PHRF1: variants seen among roughly 807,000 people sequenced by gnomAD.
PHRF1 encodes the protein PHD and ring finger domains 1.
PHRF1 carries 53 observed loss-of-function variants against 128.9 expected under a neutral mutation model. That is an observed-to-expected ratio of 0.41 (90% CI 0.33 to 0.52). The LOEUF is 0.52. Ranked by LOEUF, PHRF1 falls within the 20% of genes least tolerant of loss-of-function variation. PHRF1 has a pLI of 0.21. For synonymous variants in PHRF1, 1,178 were observed against 980.6 expected, an observed-to-expected ratio of 1.20 and a Z score of -3.76; for missense variants, 2,503 against 2,284.5, an observed-to-expected ratio of 1.10 and a Z score of -1.95.
intron 9 of PHRF1, among the ~76,000 whole-genome samples, chr11:598,890 A>G (rs1282763967): frequency 2.0e-5 from 3 of 152,192 alleles, no homozygotes; most frequent in Non-Finnish European, 4.4e-5. Flanking sequence ...GTGATTTCGC[A>G]TCTTGTCTTG....
Position 610,586 on chromosome 11 carries a change from T to G in PHRF1, c.4502T>G (p.Phe1501Cys). 4 of 1,606,598 alleles carry G rather than the reference T, an allele frequency of 2.5e-6. No homozygotes were observed. The highest frequency in any genetic ancestry group is 3.4e-6 in the Non-Finnish European group (4 of 1,179,750). Residue 1501 changes from phenylalanine (F) to cysteine (C), a missense_variant, in exon 16 of 18, where the codon TTC becomes TGC. Transcript: ENST00000264555. ...CTGGTCAGCCAGCCCACGGTCCAGT[T>G]CATCCTTCAGGGGAGCCTGCCGCTA... ...CALVSQPTVQ[F>C]ILQGSLPLVG...
chr11:577,355 C>T (rs955473713), intron 1 of PHRF1, among the ~76,000 whole-genome samples: 6 of 152,220 alleles, frequency 3.9e-5, no homozygotes, highest in African/African-American at 1.4e-4. Flanking sequence ...TTACTTGTTT[C>T]GACAACAGCA....
intron 6 of PHRF1, among the ~76,000 whole-genome samples, chr11:594,670 C>T (rs1181044788): frequency 6.6e-6 from 1 of 152,194 alleles, no homozygotes; most frequent in Non-Finnish European, 1.5e-5. Flanking sequence ...CCATGTTGGC[C>T]AGACTGGTGT....
rs772173661 is a variant in PHRF1, at chr11:610,950, C to G, written c.4678-4C>G. On this transcript the variant is annotated splice_region_variant and splice_polypyrimidine_tract_variant and intron_variant, in intron 16 of 17. Coordinates refer to ENST00000264555, the MANE Select transcript of PHRF1 (RefSeq NM_001286581.2). Reference sequence around the variant, plus strand: ...TGGCCGCATCACACACATGTCCCCTCTAGTACATGAAGAAGCTGCACATGC... The same window carrying G: ...TGGCCGCATCACACACATGTCCCCTGTAGTACATGAAGAAGCTGCACATGC... 5 of 1,612,954 alleles carry G rather than the reference C, an allele frequency of 3.1e-6. No homozygotes were observed. Among genetic ancestry groups the G allele is most frequent in the East Asian group, 2.2e-5 (1 of 44,882 alleles).
chr11:592,553 T>G lies in PHRF1; in HGVS notation c.505-6T>G. The stretch of plus-strand genomic sequence containing the variant: ...TGTGTGGTGGTGACCGACGATTCTG[T>G]CCTAGATCCCAGTGGAGAACACCAA... On this transcript the variant is annotated splice_polypyrimidine_tract_variant and splice_region_variant and intron_variant, in intron 5 of 17. Coordinates refer to ENST00000264555, the MANE Select transcript of PHRF1 (RefSeq NM_001286581.2). The G allele has an allele frequency of 6.2e-7, 1 of 1,613,838 alleles. No homozygotes were observed. Among genetic ancestry groups the G allele is most frequent in the Non-Finnish European group, 8.5e-7 (1 of 1,179,706 alleles).
Position 597,462 on chromosome 11 carries a change from G to T in PHRF1, c.786G>T (p.Arg262Ser). 5 of 1,612,816 alleles carry T rather than the reference G, an allele frequency of 3.1e-6. No homozygotes were observed. The highest frequency in any genetic ancestry group is 1.1e-5 in the South Asian group (1 of 90,812). The part of the protein sequence containing the change: ...LLADVVPTTS[R>S]LRPRAGRTRA... ...CTGATGTGGTGCCCACCACCAGCAGGCTTCGGCCTCGAGCAGGTAGGACCC... is the reference window on the plus strand; with the variant it reads ...CTGATGTGGTGCCCACCACCAGCAGTCTTCGGCCTCGAGCAGGTAGGACCC... The change falls in exon 8 of 18, where the codon AGG becomes AGT. Residue 262 changes from arginine to serine, a missense_variant. Transcript: ENST00000264555. The surrounding 1 kb of genome is among the most constrained non-coding windows in gnomAD (Gnocchi z 6.5).
At chr11:599,930 T>G (rs1855530829) in intron 9 of PHRF1, among the ~76,000 whole-genome samples, 1 of 152,204 alleles carries the variant, frequency 6.6e-6, no homozygotes. Flanking sequence ...GGCTGATTTT[T>G]TATTATTGAG....
Position 581,511 on chromosome 11 carries a change from C to G in PHRF1, c.-2C>G, listed in dbSNP as rs1446302773. ...TTTCAGAGCTGAGCTCAATGTGCAG[C>G]AATGGATGACGACAGCCTGGATGAG... On this transcript the variant is annotated 5_prime_UTR_variant, in exon 2 of 18. Transcript: ENST00000264555. The G allele has an allele frequency of 1.2e-6, 2 of 1,613,558 alleles. No individual in the cohort carries two copies. Among genetic ancestry groups the G allele is most frequent in the Non-Finnish European group, 1.7e-6 (2 of 1,179,848 alleles).
At chr11:582,220 A>G (rs988529300) in intron 3 of PHRF1, 139 bp downstream of exon 3, 9 of 1,231,772 alleles carry the variant, frequency 7.3e-6, no homozygotes, top group Non-Finnish European at 5.5e-6. Context: ...GAGGCCTTAT[A>G]TTCAGCTGTG....
At chr11:591,235 C>T (rs899514948) in intron 4 of PHRF1, 149 bp from the exon 5 acceptor site, 8 of 710,460 alleles carry the variant, frequency 1.1e-5, no homozygotes, top group Non-Finnish European at 1.9e-5. Flanking sequence ...GCTCGCTGTG[C>T]TCCCTCCACT....
At chr11:578,706 C>T (rs1854033265) in intron 1 of PHRF1, among the ~76,000 whole-genome samples, 1 of 152,204 alleles carries the variant, frequency 6.6e-6, no homozygotes, top group South Asian at 2.1e-4. Flanking sequence ...GCTGGGACTA[C>T]AGGCGGTTTC....
In PHRF1 at chr11:597,290, C is replaced by A; in HGVS notation, c.719-105C>A. 7.1e-7 allele frequency: 1 copy of A among 1,409,544 alleles called. No homozygotes were observed. The highest frequency in any genetic ancestry group is 1.4e-5 in the South Asian group (1 of 72,788). 87.3% of individuals were successfully genotyped at this position (1,409,544 alleles called of 1,614,324 possible). On this transcript the variant is annotated intron_variant, in intron 7 of 17. Coordinates refer to ENST00000264555, the MANE Select transcript of PHRF1 (RefSeq NM_001286581.2). This position sits in a 1 kb window ranked among gnomAD's most constrained non-coding sequence, Gnocchi z 6.5. ...GCAGCCCTGGGTCCTGTGCACAGGT[C>A]AGCCCGAGCCAGGGCTGCTACTTGG...
chr11:581,677 C>T (rs535233289), intron 2 of PHRF1, 71 bp downstream of exon 2: 28 of 1,388,494 alleles, frequency 2.0e-5, no homozygotes, highest in Non-Finnish European at 2.6e-5. Context: ...CTTTGGAGGT[C>T]GTCTGTGTGT....
chr11:601,547 G>GA lies in PHRF1; in HGVS notation c.1025-27_1025-26insA, dbSNP rs1196138362. 8.1e-6 allele frequency: 13 copies of GA among 1,613,136 alleles called. No individual in the cohort carries two copies. The African/African-American group carries it at 1.3e-4, about 17-fold the overall frequency. On this transcript the variant is annotated intron_variant, in intron 9 of 17. Transcript: ENST00000264555. ...GGCAGGGAGGGCCCAGCACAGAGAA[G>GA]CACAGACTTCAACCTCTTTTCCTTA...
chr11:612,188 C>T lies in PHRF1; in HGVS notation c.*411C>T. ...CAACAGCTGCTGTGTACCTTTGGCT[C>T]TGAATTAGGAATATCTTTACTTTCT... On this transcript the variant is annotated 3_prime_UTR_variant, in exon 18 of 18. Coordinates refer to ENST00000264555, the MANE Select transcript of PHRF1 (RefSeq NM_001286581.2). The T allele has an allele frequency of 3.3e-6, 1 of 304,614 alleles. No homozygotes were observed. The highest frequency in any genetic ancestry group is 6.1e-6 in the Non-Finnish European group (1 of 162,958). The allele number at this position is 304,614 out of a possible 1,614,324, so 18.9% of individuals were successfully genotyped here.
Position 609,505 on chromosome 11 carries a change from A to G in PHRF1, c.4049A>G (p.Asp1350Gly). ...CAGGAGCCACATTTGCTCAGGCCGG[A>G]CGCGGCTGAGAAGGCTGAGGCACCC... ...GTQEPHLLRPDAAEKAEAPSS... is the reference protein window; with the variant it reads ...GTQEPHLLRPGAAEKAEAPSS... Residue 1350 changes from aspartate to glycine, a missense_variant, in exon 14 of 18, where the codon GAC becomes GGC. Physicochemically the swap from Asp to Gly is moderately conservative, Grantham distance 94. Transcript: ENST00000264555. 1 of 1,603,490 alleles carries G rather than the reference A, an allele frequency of 6.2e-7. No individual in the cohort carries two copies. The highest frequency in any genetic ancestry group is 8.5e-7 in the Non-Finnish European group (1 of 1,178,308).
intron 13 of PHRF1, chr11:606,815 C>T (rs1266929439): frequency 4.6e-6 from 4 of 863,808 alleles, no homozygotes; most frequent in Admixed American, 6.0e-5. Flanking sequence ...AAGAACATGT[C>T]CTGATGGGGT....
rs1854196423 is a variant in PHRF1 at position 581,477 on chromosome 11, T to C, written c.-21-15T>C. Reference sequence around the variant, plus strand: ...TGGGACAGTTTGGAAGTTGCTTGGCTCTTCTTTCTTTCAGAGCTGAGCTCA... The same window carrying C: ...TGGGACAGTTTGGAAGTTGCTTGGCCCTTCTTTCTTTCAGAGCTGAGCTCA... On this transcript the variant is annotated splice_polypyrimidine_tract_variant and intron_variant, in intron 1 of 17. Transcript: ENST00000264555. The C allele has an allele frequency of 6.2e-7, 1 of 1,610,844 alleles. No individual in the cohort carries two copies. Among genetic ancestry groups the C allele is most frequent in the Non-Finnish European group, 8.5e-7 (1 of 1,178,274 alleles).
At chr11:605,476 C>T (rs769335668) in intron 11 of PHRF1, 129 bp from the exon 12 acceptor site, 105 of 1,493,416 alleles carry the variant, frequency 7.0e-5, no homozygotes, top group Non-Finnish European at 8.7e-5. Context: ...AGGTCTGGTT[C>T]GGGGCCCGAA....
Sources: gnomAD v4.1 joint callset for allele counts (sites outside exome capture counted in the v4.1 genomes callset) on GRCh38, gnomAD v4.1.1 for gene constraint, Gnocchi (gnomAD v3.1) non-coding constraint, MANE v1.5 for transcripts, NCBI Gene and HGNC (gene_info 2026-07-23, HGNC 2026-07-21) for gene names.